Variants in ERC2 observed in about 807,000 individuals in gnomAD.
ERC2 encodes the protein ERC protein 2.
In ERC2, 42 loss-of-function variants were observed where a neutral mutation model predicts 114.8. That is an observed-to-expected ratio of 0.37 (90% CI 0.29 to 0.47). The LOEUF (loss-of-function observed/expected upper bound fraction) is 0.47, where lower values mean the gene tolerates loss of function less well. ERC2 is among the 20% of genes least tolerant of loss of function. The probability of loss-of-function intolerance (pLI) is 0.99; values close to 1 mark genes in which losing one functional copy is unlikely to be tolerated. For synonymous variants in ERC2, 454 were observed against 425.5 expected (o/e 1.07, Z -0.82); for missense variants, 939 against 1,150.7 (o/e 0.82, Z 2.66).
intron 2 of ERC2, among the ~76,000 whole-genome samples, chr3:56,359,087 C>G (rs1168448411): frequency 2.0e-5 from 3 of 152,196 alleles, no homozygotes; most frequent in Non-Finnish European, 4.4e-5. Context: ...CATGAATTTG[C>G]AAAAGTGTAC....
chr3:56,266,025 AC>A (rs2053268864), intron 3 of ERC2, among the ~76,000 whole-genome samples: 2 of 135,506 alleles, frequency 1.5e-5, no homozygotes, highest in Admixed American at 1.6e-4. Flanking sequence ...TGAGAATCCG[AC>A]CAAAAAAATA....
chr3:55,736,252 G>T (rs149533162), intron 14 of ERC2, among the ~76,000 whole-genome samples: 2 of 152,066 alleles, frequency 1.3e-5, no homozygotes, highest in African/African-American at 2.4e-5. Context: ...AACACATTAC[G>T]CTAATCAGCC....
chr3:55,800,248 C>T (rs1422414607), intron 14 of ERC2, among the ~76,000 whole-genome samples: 10 of 152,124 alleles, frequency 6.6e-5, no homozygotes, highest in African/African-American at 2.4e-4. Context: ...TCAAGCAATT[C>T]TCCTGCCTCA....
chr3:56,154,956 A>T (rs945389459), intron 4 of ERC2, among the ~76,000 whole-genome samples: 1 of 152,182 alleles, frequency 6.6e-6, no homozygotes, highest in African/African-American at 2.4e-5. Context: ...ATCCTGTTAA[A>T]CTTTCTGAGC....
At chr3:56,201,333 A>G (rs2048392540) in intron 3 of ERC2, among the ~76,000 whole-genome samples, 1 of 152,204 alleles carries the variant, frequency 6.6e-6, no homozygotes, top group African/African-American at 2.4e-5. Context: ...AATTATGTGA[A>G]AATGCCCATT....
At chr3:56,393,395 T>A (rs2106864574) in intron 2 of ERC2, among the ~76,000 whole-genome samples, 1 of 152,254 alleles carries the variant, frequency 6.6e-6, no homozygotes. Flanking sequence ...AGACTCCTTC[T>A]CAAAAAATAA....
chr3:55,888,261 G>A, intron 14 of ERC2, 128 bp downstream of exon 14: 2 of 1,093,784 alleles, frequency 1.8e-6, no homozygotes, highest in Non-Finnish European at 2.6e-6. Context: ...TTTCAGAAAT[G>A]ACCAGGCAAG....
At position 55,950,436 on chromosome 3, in the gene ERC2, G is replaced by A; in HGVS notation, c.2392C>T (p.Gln798Ter). The change falls in exon 13 of 18, where the codon CAG becomes TAG. Residue 798 changes from glutamine to a stop codon, truncating the protein, a stop_gained. Transcript: ENST00000288221. LOFTEE classifies it high-confidence loss of function. ...AAGCCTGTGCTTACCTGCAAATGCT[G>A]TGAGTTGTCAGCCATGCTGTCTTCT... ...RREDSMADNS[Q>*]HLQIEELMNA... The A allele has an allele frequency of 1.2e-6, 2 of 1,614,010 alleles. No individual in the cohort carries two copies. The highest frequency in any genetic ancestry group is 1.7e-6 in the Non-Finnish European group (2 of 1,179,886).
intron 2 of ERC2, among the ~76,000 whole-genome samples, chr3:56,303,715 G>A (rs1046549935): frequency 7.9e-5 from 12 of 152,218 alleles, no homozygotes; most frequent in Non-Finnish European, 1.0e-4. Flanking sequence ...AGAGCGAACT[G>A]GGACTCACTG....
At chr3:56,303,041 T>A (rs564995649) in intron 2 of ERC2, among the ~76,000 whole-genome samples, 47 of 152,358 alleles carry the variant, frequency 3.1e-4, no homozygotes, top group African/African-American at 1.1e-3. Flanking sequence ...GAAAGGTTTT[T>A]ACTCGCCACC....
At chr3:56,141,028 A>G (rs569180287) in intron 5 of ERC2, among the ~76,000 whole-genome samples, 1 of 152,284 alleles carries the variant, frequency 6.6e-6, no homozygotes, top group Admixed American at 6.5e-5. Flanking sequence ...CACTCAAAAA[A>G]CAAAAACAAA....
chr3:55,942,806 T>G (rs2066895076), intron 13 of ERC2, among the ~76,000 whole-genome samples: 1 of 152,218 alleles, frequency 6.6e-6, no homozygotes, highest in African/African-American at 2.4e-5. Context: ...GTATTTTCCT[T>G]TTGCAAGATT....
chr3:56,444,400 A>T (rs980276024), intron 1 of ERC2, among the ~76,000 whole-genome samples: 37 of 152,240 alleles, frequency 2.4e-4, no homozygotes, highest in Admixed American at 1.8e-3. Flanking sequence ...CAAAAAAATT[A>T]GTTGCGCAAC....
At chr3:56,137,389 C>G (rs1560235864) in intron 6 of ERC2, among the ~76,000 whole-genome samples, 2 of 151,502 alleles carry the variant, frequency 1.3e-5, no homozygotes, top group Non-Finnish European at 2.9e-5. Flanking sequence ...TGCTCTAGAA[C>G]AGCTGTCAGC....
At chr3:56,125,059 CT>C (rs1280153933) in intron 6 of ERC2, among the ~76,000 whole-genome samples, 2 of 152,110 alleles carry the variant, frequency 1.3e-5, no homozygotes, top group Non-Finnish European at 2.9e-5. Flanking sequence ...GAGCTTCCTT[CT>C]TCTAGACTGG....
chr3:55,675,555 G>A (rs560123395), intron 17 of ERC2, among the ~76,000 whole-genome samples: 2 of 152,126 alleles, frequency 1.3e-5, no homozygotes, highest in Non-Finnish European at 2.9e-5. Context: ...CCTTTGGTTG[G>A]GGCTGTGGAG....
intron 5 of ERC2, 39 bp from the exon 6 acceptor site, chr3:56,139,715 G>A: frequency 1.3e-6 from 2 of 1,551,030 alleles, no homozygotes; most frequent in Non-Finnish European, 1.7e-6. Context: ...ATTAGAAATT[G>A]CTGCCCCTAC....
intron 16 of ERC2, among the ~76,000 whole-genome samples, chr3:55,698,622 A>C: frequency 6.6e-6 from 1 of 152,132 alleles, no homozygotes. Flanking sequence ...ATCACCAAAA[A>C]CGGGGGCAGG....
chr3:55,537,542 C>T (rs1344011974), intron 17 of ERC2, among the ~76,000 whole-genome samples: 1 of 152,236 alleles, frequency 6.6e-6, no homozygotes, highest in African/African-American at 2.4e-5. Flanking sequence ...GGTGTCTCTG[C>T]TCCCCGACTC....
Sources: allele counts gnomAD v4.1 joint callset (sites outside exome capture counted in the v4.1 genomes callset), GRCh38; gene constraint gnomAD v4.1.1; transcripts MANE v1.5; gene names NCBI Gene and HGNC (gene_info 2026-07-23, HGNC 2026-07-21).